Variants in CHAF1B observed in about 807,000 individuals in gnomAD.
CHAF1B encodes CAF-1 subunit B.
Under a neutral mutation model 60.7 loss-of-function variants are expected in CHAF1B, and 10 were observed. The observed-to-expected ratio is 0.16, with a 90% CI of 0.10 to 0.28. CHAF1B has a LOEUF of 0.28. Among genes scored for constraint, CHAF1B ranks in the 10% least tolerant of loss-of-function variants. The pLI, the probability that CHAF1B is intolerant of heterozygous loss-of-function variation, is 1.00. For missense variants in CHAF1B, 558 were observed against 708.4 expected, an observed-to-expected ratio of 0.79 and a Z score of 2.41; for synonymous variants, 261 against 266.1, an observed-to-expected ratio of 0.98 and a Z score of 0.19.
At chr21:36,413,428 G>T in intron 12 of CHAF1B, 113 bp downstream of exon 12, 2 of 986,852 alleles carry the variant, frequency 2.0e-6, no homozygotes, top group Non-Finnish European at 1.5e-6. Context: ...CATGCCAGTA[G>T]GTTGCCAGAG....
intron 8 of CHAF1B, among the ~76,000 whole-genome samples, chr21:36,407,443 A>G (rs1454625315): frequency 6.6e-6 from 1 of 152,228 alleles, no homozygotes; most frequent in Non-Finnish European, 1.5e-5. Flanking sequence ...AGCTACAAAA[A>G]AATAATGCAT....
intron 8 of CHAF1B, among the ~76,000 whole-genome samples, chr21:36,404,302 T>C (rs2086217579): frequency 6.6e-6 from 1 of 151,028 alleles, no homozygotes; most frequent in South Asian, 2.1e-4. Flanking sequence ...GGTTTCACCA[T>C]GTTGGTCAGG....
chr21:36,397,280 CAG>C, intron 5 of CHAF1B, 133 bp from the exon 6 acceptor site: 1 of 421,966 alleles, frequency 2.4e-6, no homozygotes. Flanking sequence ...GGTTTTAGTA[CAG>C]AGTCTCTCAC....
chr21:36,408,927 TC>T (rs1372223569), intron 9 of CHAF1B, 97 bp downstream of exon 9: 6 of 811,474 alleles, frequency 7.4e-6, no homozygotes, highest in African/African-American at 1.7e-5. Flanking sequence ...CGATCTCTGC[TC>T]ACTGCAACCT....
chr21:36,414,895 G>A (rs1400148240), intron 12 of CHAF1B, among the ~76,000 whole-genome samples: 1 of 152,160 alleles, frequency 6.6e-6, no homozygotes, highest in African/African-American at 2.4e-5. Flanking sequence ...TTACAGGTGC[G>A]AACCATCTTG....
chr21:36,415,696 A>G lies in CHAF1B; in HGVS notation c.1588+307A>G, dbSNP rs558128216. On this transcript the variant is annotated intron_variant, in intron 13 of 13. Coordinates refer to ENST00000314103, the MANE Select transcript of CHAF1B (RefSeq NM_005441.3). Reference sequence around the variant, plus strand: ...TTTGTTGTGGAGGACTGTCCTGTGTATTATGCGATGTTTAACAGCATCCCC... The same window carrying G: ...TTTGTTGTGGAGGACTGTCCTGTGTGTTATGCGATGTTTAACAGCATCCCC... The G allele has an allele frequency of 6.3e-5, 29 of 459,536 alleles. 1 individual carries two copies. The East Asian group carries it at 6.4e-4, about 10-fold the overall frequency. The allele number at this position is 459,536 out of a possible 1,614,324, so 28.5% of individuals were successfully genotyped here.
intron 6 of CHAF1B, 52 bp from the exon 7 acceptor site, chr21:36,399,469 G>A (rs377510748): frequency 7.4e-5 from 111 of 1,500,328 alleles, no homozygotes; most frequent in Non-Finnish European, 1.0e-4. Flanking sequence ...GTTTCTGTGT[G>A]AAGCATAATT....
chr21:36,391,207 G>A (rs2086083607), intron 3 of CHAF1B, among the ~76,000 whole-genome samples: 1 of 152,130 alleles, frequency 6.6e-6, no homozygotes, highest in African/African-American at 2.4e-5. Context: ...TTATGAATTT[G>A]ATTTTGGAGT....
In CHAF1B at chr21:36,408,741, C is replaced by T. The variant is rs762055649; in HGVS notation, c.758-20C>T. 5 of 1,573,806 alleles carry T rather than the reference C, an allele frequency of 3.2e-6. No homozygotes were observed. The highest frequency in any genetic ancestry group is 4.4e-6 in the Non-Finnish European group (5 of 1,143,934). The stretch of plus-strand genomic sequence containing the variant: ...AAACAGTGACTTTTCTTTCCTCTCC[C>T]TCCCTTCCCTGTTCCCCAGCTGGAT... On this transcript the variant is annotated intron_variant, in intron 8 of 13. Coordinates refer to ENST00000314103, the MANE Select transcript of CHAF1B (RefSeq NM_005441.3).
intron 12 of CHAF1B, 126 bp from the exon 13 acceptor site, chr21:36,415,169 G>C (rs2086308091): frequency 1.6e-6 from 1 of 630,794 alleles, no homozygotes. Context: ...TTAATGCCTT[G>C]AACCAGAAGT....
chr21:36,386,370 C>T, intron 2 of CHAF1B, 108 bp downstream of exon 2: 1 of 1,393,832 alleles, frequency 7.2e-7, no homozygotes, highest in Non-Finnish European at 9.7e-7. Context: ...CGCCTGTAAT[C>T]CCAGTGCTTT....
rs2086256890 is a variant in CHAF1B, at chr21:36,408,924, T to C, written c.827+94T>C. 3.9e-5 allele frequency: 32 copies of C among 829,700 alleles called. No homozygotes were observed. The South Asian group carries it at 4.5e-4, about 12-fold the overall frequency. The allele number at this position is 829,700 out of a possible 1,614,324, so 51.4% of individuals were successfully genotyped here. A position where few individuals can be genotyped will look rare whatever the true frequency, so the allele number is the denominator to read the frequency against. ...GGCTGGAGTGCAATGGTGCGATCTCTGCTCACTGCAACCTCTGCCTCCCGG... is the reference window on the plus strand; with the variant it reads ...GGCTGGAGTGCAATGGTGCGATCTCCGCTCACTGCAACCTCTGCCTCCCGG... On this transcript the variant is annotated intron_variant, in intron 9 of 13. Transcript: ENST00000314103.
intron 3 of CHAF1B, among the ~76,000 whole-genome samples, chr21:36,389,800 T>TGTGTGTGTGTGCGCGC: frequency 2.2e-3 from 270 of 124,762 alleles, no homozygotes; most frequent in African/African-American, 5.4e-3. Context: ...TGTGTGTGTG[T>TGTGTGTGTGTGCGCGC]GCGCGCGCAC....
rs756987852 is a variant in CHAF1B at position 36,415,378 on chromosome 21, A to AAATT, written c.1578_1581dup (p.Gln528AsnfsTer23). 1.2e-5 allele frequency: 19 copies of AAATT among 1,588,784 alleles called. No homozygotes were observed. The highest frequency in any genetic ancestry group is 1.6e-5 in the Non-Finnish European group (19 of 1,157,142). ...GTGATTTCCACCCCTTCTACAGAAG[A>AAATT]AATTCAGTCAGGTAAGTAATATTGT... On this transcript the variant is annotated frameshift_variant, in exon 13 of 14. Transcript: ENST00000314103. LOFTEE classifies it low-confidence loss of function (END_TRUNC).
At position 36,397,440 on chromosome 21, in the gene CHAF1B, A is replaced by G. The variant is rs1195987441; in HGVS notation, c.507A>G (p.Glu169=). Reference sequence around the variant, plus strand: ...GACAAAAGATATCAATTTTTAATGAACATAAAAGTTATGTCCAAGGAGTAA... The same window carrying G: ...GACAAAAGATATCAATTTTTAATGAGCATAAAAGTTATGTCCAAGGAGTAA... The part of the protein sequence containing the change: ...SKGQKISIFN[E]HKSYVQGVTW... The change falls in exon 6 of 14, where the codon GAA becomes GAG. Residue 169 remains glutamate (E), a synonymous_variant. Coordinates refer to ENST00000314103, the MANE Select transcript of CHAF1B (RefSeq NM_005441.3). The G allele has an allele frequency of 1.9e-6, 3 of 1,562,150 alleles. No individual in the cohort carries two copies. Among genetic ancestry groups the G allele is most frequent in the South Asian group, 1.2e-5 (1 of 84,756 alleles).
rs200436991 is a variant in CHAF1B, at chr21:36,408,798, C to G, written c.795C>G (p.Thr265=). The G allele has an allele frequency of 1.9e-6, 3 of 1,609,574 alleles. No homozygotes were observed. Among genetic ancestry groups the G allele is most frequent in the Admixed American group, 1.7e-5 (1 of 59,998 alleles). ...AATCTGGTGAAAATGTAATGAATAC[C>G]ACTTATGTTTTCTCCAGGAAGAATC... ...CVESGENVMN[T]TYVFSRKNLK... The change falls in exon 9 of 14, where the codon ACC becomes ACG. Residue 265 remains threonine, a synonymous_variant. Coordinates refer to ENST00000314103, the MANE Select transcript of CHAF1B (RefSeq NM_005441.3).
At chr21:36,416,152 A>G in intron 13 of CHAF1B, 123 bp from the exon 14 acceptor site, 7 of 784,694 alleles carry the variant, frequency 8.9e-6, no homozygotes, top group Non-Finnish European at 1.4e-5. Flanking sequence ...CTTCCATTAT[A>G]TCAGTATAGG....
intron 5 of CHAF1B, among the ~76,000 whole-genome samples, chr21:36,396,318 AT>A (rs1239748138): frequency 7.0e-6 from 1 of 142,862 alleles, no homozygotes; most frequent in Non-Finnish European, 1.5e-5. Flanking sequence ...AGGTTTTATC[AT>A]AAGTGTGATG....
At chr21:36,404,750 T>C in intron 8 of CHAF1B, among the ~76,000 whole-genome samples, 1 of 141,256 alleles carries the variant, frequency 7.1e-6, no homozygotes, top group Non-Finnish European at 1.5e-5. Context: ...TTTTTTTTTT[T>C]TTTTTTTTTA....
Sources: allele counts gnomAD v4.1 joint callset (sites outside exome capture counted in the v4.1 genomes callset), GRCh38; gene constraint gnomAD v4.1.1; transcripts MANE v1.5; gene names NCBI Gene and HGNC (gene_info 2026-07-23, HGNC 2026-07-21).